The following HS3ST4 variants were observed in gnomAD, a reference collection of about 807,000 sequenced individuals.
HS3ST4 encodes the protein heparan sulfate glucosamine 3-O-sulfotransferase 4.
In HS3ST4, 17 loss-of-function variants were observed where a neutral mutation model predicts 29.2. The ratio of observed to expected loss-of-function variants is 0.58; its 90% CI spans 0.40 to 0.87. HS3ST4 has a LOEUF of 0.87. Ranked by LOEUF, HS3ST4 falls within the 40% of genes least tolerant of loss-of-function variation. The pLI is 0.00. For missense variants in HS3ST4, 627 were observed against 634.5 expected (o/e 0.99, Z 0.13); for synonymous variants, 314 against 285.7 (o/e 1.10, Z -1.00).
intron 1 of HS3ST4, among the ~76,000 whole-genome samples, chr16:26,128,278 C>G (rs888504355): frequency 2.0e-5 from 3 of 152,188 alleles, no homozygotes; most frequent in Non-Finnish European, 2.9e-5. Context: ...AGGGCAGGGA[C>G]CATGCCTGCT....
intron 1 of HS3ST4, among the ~76,000 whole-genome samples, chr16:26,061,310 G>A (rs1898473733): frequency 6.6e-6 from 1 of 152,206 alleles, no homozygotes; most frequent in African/African-American, 2.4e-5. Context: ...TCCTTTAACA[G>A]GAGATTGCTC....
intron 1 of HS3ST4, among the ~76,000 whole-genome samples, chr16:25,695,757 G>A (rs1441398678): frequency 6.6e-6 from 1 of 152,104 alleles, no homozygotes; most frequent in Non-Finnish European, 1.5e-5. Flanking sequence ...TGCTATCTGG[G>A]ATCTATTTGA....
rs758588490 is a variant in HS3ST4, at chr16:25,692,992, A to G, written c.575A>G (p.Tyr192Cys). 2.0e-5 allele frequency: 33 copies of G among 1,611,166 alleles called. No individual in the cohort carries two copies. Among genetic ancestry groups the G allele is most frequent in the Non-Finnish European group, 2.6e-5 (31 of 1,179,292 alleles). The change falls in exon 1 of 2, where the codon TAT (tyrosine) becomes TGT (cysteine). Residue 192 changes from tyrosine (Y) to cysteine (C), a missense_variant. By Grantham distance (194) the Tyr-to-Cys change is radical. This residue lies in a region of HS3ST4 where 402 missense variants were observed against 340.8 expected (regional missense o/e 1.18). Coordinates refer to ENST00000331351, the MANE Select transcript of HS3ST4 (RefSeq NM_006040.3). ...GGCGGCGCCGTCAGCACCCCCGACT[A>G]TGGGGAGAAGAAGCTGCCACAGGCG... ...ERGGAVSTPD[Y>C]GEKKLPQALI...
intron 1 of HS3ST4, among the ~76,000 whole-genome samples, chr16:25,716,250 T>C (rs531209167): frequency 2.6e-5 from 4 of 152,210 alleles, no homozygotes; most frequent in African/African-American, 4.8e-5. Context: ...TTCGCTGTCT[T>C]GCTGAGATAG....
chr16:25,948,542 C>T (rs1314913949), intron 1 of HS3ST4, among the ~76,000 whole-genome samples: 3 of 152,058 alleles, frequency 2.0e-5, no homozygotes, highest in Admixed American at 6.6e-5. Flanking sequence ...CTCTCATCCC[C>T]CAAGCTGGAA....
intron 1 of HS3ST4, among the ~76,000 whole-genome samples, chr16:25,811,250 G>A (rs867554503): frequency 8.6e-5 from 13 of 151,054 alleles, no homozygotes; most frequent in South Asian, 4.2e-4. Context: ...TTCCACCTCT[G>A]TCAACCCCAA....
chr16:26,078,774 C>T (rs942534544), intron 1 of HS3ST4, among the ~76,000 whole-genome samples: 1 of 152,096 alleles, frequency 6.6e-6, no homozygotes, highest in Non-Finnish European at 1.5e-5. Context: ...GGCTTACAGG[C>T]AAATAGATTT....
chr16:26,129,314 G>T (rs796482376), intron 1 of HS3ST4, among the ~76,000 whole-genome samples: 4 of 152,304 alleles, frequency 2.6e-5, no homozygotes, highest in African/African-American at 9.6e-5. Flanking sequence ...GTGACCTTGG[G>T]CCAGTCATGT....
intron 1 of HS3ST4, among the ~76,000 whole-genome samples, chr16:25,981,199 A>C (rs1402486754): frequency 6.6e-6 from 1 of 152,136 alleles, no homozygotes; most frequent in Non-Finnish European, 1.5e-5. Flanking sequence ...CTCTACAAAA[A>C]TACAAAAATT....
intron 1 of HS3ST4, among the ~76,000 whole-genome samples, chr16:25,745,792 T>C (rs1353528452): frequency 6.6e-6 from 1 of 152,182 alleles, no homozygotes; most frequent in Non-Finnish European, 1.5e-5. Context: ...ATCATTAAAA[T>C]TGGAAATTCA....
At chr16:25,924,405 T>A (rs1248837512) in intron 1 of HS3ST4, among the ~76,000 whole-genome samples, 2 of 152,170 alleles carry the variant, frequency 1.3e-5, no homozygotes, top group African/African-American at 4.8e-5. Flanking sequence ...TCCATTTTCC[T>A]CCCCACATCC....
rs960872601 is a variant in HS3ST4, at chr16:25,730,710, GTCCT to G, written c.734+37574_734+37577del. 6.5e-4 allele frequency among the ~76,000 whole-genome samples: 73 copies of G among 112,548 alleles called. No homozygotes were observed. In the South Asian group the frequency reaches 9.8e-3, roughly 15 times the overall value. The allele number at this position is 112,548 out of a possible 152,430, so 73.8% of individuals were successfully genotyped here. The stretch of plus-strand genomic sequence containing the variant: ...CCTCTCTCCCTTCTTCCTTCCTTCC[GTCCT>G]TCCTTCCTTCCTTCTCTCCCTCCCT... On this transcript the variant is annotated intron_variant, in intron 1 of 1. Transcript: ENST00000331351.
rs540771733 is a variant in HS3ST4, at chr16:25,903,776, C to A, written c.734+210625C>A. On this transcript the variant is annotated intron_variant, in intron 1 of 1. Coordinates refer to ENST00000331351, the MANE Select transcript of HS3ST4 (RefSeq NM_006040.3). ...TGATGTCTAGAACTGCTTCCATACT[C>A]CCCTCCCACATTCTCTAAACAATAC... Among the ~76,000 whole-genome samples the A allele has an allele frequency of 5.3e-5, 8 of 150,278 alleles. No homozygotes were observed. In the South Asian group the frequency reaches 1.4e-3, roughly 27 times the overall value.
chr16:25,732,100 C>T lies in HS3ST4; in HGVS notation c.734+38949C>T, dbSNP rs142848280. 5.7e-3 allele frequency among the ~76,000 whole-genome samples: 872 copies of T among 152,290 alleles called. 4 individuals are homozygous for T. Among genetic ancestry groups the T allele is most frequent in the Admixed American group, 8.9e-3 (136 of 15,306 alleles). On this transcript the variant is annotated intron_variant, in intron 1 of 1. Transcript: ENST00000331351. ...GAGATGGTCTGACAATTGCTTTAGTCACAGTAACTGGATCAGGCTGCTGGC... is the reference window on the plus strand; with the variant it reads ...GAGATGGTCTGACAATTGCTTTAGTTACAGTAACTGGATCAGGCTGCTGGC...
chr16:25,901,695 CA>C (rs1968120970), intron 1 of HS3ST4, among the ~76,000 whole-genome samples: 1 of 53,292 alleles, frequency 1.9e-5, no homozygotes. Context: ...AATGCTCTCT[CA>C]TCTTTCTTCT....
chr16:25,924,159 G>A (rs564305983), intron 1 of HS3ST4, among the ~76,000 whole-genome samples: 3 of 152,248 alleles, frequency 2.0e-5, no homozygotes, highest in South Asian at 2.1e-4. Context: ...GTAAACGGCC[G>A]TTTAGTTGTT....
intron 1 of HS3ST4, among the ~76,000 whole-genome samples, chr16:25,712,771 C>T (rs1215137640): frequency 1.3e-5 from 2 of 152,024 alleles, no homozygotes; most frequent in Non-Finnish European, 2.9e-5. Flanking sequence ...GAAAAGAATC[C>T]CCAACAGAGT....
chr16:25,911,672 G>T (rs550474083), intron 1 of HS3ST4, among the ~76,000 whole-genome samples: 11 of 151,406 alleles, frequency 7.3e-5, no homozygotes, highest in Non-Finnish European at 1.3e-4. Flanking sequence ...AACATACCTG[G>T]CTCATTTTTA....
At chr16:26,042,354 CTGTGTG>C (rs71732983) in intron 1 of HS3ST4, among the ~76,000 whole-genome samples, 20 of 148,544 alleles carry the variant, frequency 1.3e-4, no homozygotes, top group African/African-American at 4.4e-4. Context: ...GCATTTATCT[CTGTGTG>C]TGTGTGTGTG....
Sources: allele counts gnomAD v4.1 joint callset (sites outside exome capture counted in the v4.1 genomes callset), GRCh38; gene constraint gnomAD v4.1.1; regional missense constraint gnomAD v4.1.1; transcripts MANE v1.5; gene names NCBI Gene and HGNC (gene_info 2026-07-23, HGNC 2026-07-21).